The following TBCB variants were observed in gnomAD, a reference collection of about 807,000 sequenced individuals.
The protein encoded by TBCB is tubulin-folding cofactor B.
TBCB carries 18 observed loss-of-function variants against 29.2 expected under a neutral mutation model. The observed-to-expected ratio is 0.62, with a 90% CI of 0.43 to 0.91. The LOEUF is 0.91. Ranked by LOEUF, TBCB falls within the 40% of genes least tolerant of loss-of-function variation. TBCB has a pLI of 0.00. For missense variants in TBCB, 336 were observed against 337.6 expected (o/e 1.00, Z 0.04); for synonymous variants, 172 against 137.8 (o/e 1.25, Z -1.74).
chr19:36,115,451 A>T, upstream of TBCB: 1 of 804,598 alleles, frequency 1.2e-6, no homozygotes, highest in African/African-American at 1.7e-5. Flanking sequence ...TTGGTCAGGC[A>T]CGGAGCAGGA....
intron 2 of TBCB, among the ~76,000 whole-genome samples, chr19:36,119,958 G>A (rs1974016145): frequency 1.3e-5 from 2 of 150,504 alleles, no homozygotes; most frequent in South Asian, 2.1e-4. Context: ...CCTCTGGCTC[G>A]CTCCACCCCA....
chr19:36,114,973 G>A, upstream of TBCB: 3 of 1,072,082 alleles, frequency 2.8e-6, no homozygotes, highest in South Asian at 1.4e-5. The surrounding 1 kb of genome is among the most constrained non-coding windows in gnomAD (Gnocchi z 4.5). Context: ...CTGCGCACAC[G>A]TGCTGGCTCC....
At chr19:36,115,448 G>C (rs1164863437), upstream of TBCB, 2 of 786,950 alleles carry the variant, frequency 2.5e-6, no homozygotes, top group East Asian at 5.5e-5. Context: ...GGATTGGTCA[G>C]GCACGGAGCA....
At chr19:36,123,449 G>A (rs945707820) in intron 4 of TBCB, among the ~76,000 whole-genome samples, 1 of 151,842 alleles carries the variant, frequency 6.6e-6, no homozygotes, top group Non-Finnish European at 1.5e-5. Flanking sequence ...TTTTTTTGTA[G>A]GATGGGATTT....
At chr19:36,120,056 T>A (rs917616503) in intron 2 of TBCB, among the ~76,000 whole-genome samples, 5 of 152,136 alleles carry the variant, frequency 3.3e-5, no homozygotes, top group Non-Finnish European at 7.4e-5. Flanking sequence ...CAGCCTTGGC[T>A]GAAACATCCC....
At chr19:36,121,269 G>A (rs1974045039) in intron 3 of TBCB, among the ~76,000 whole-genome samples, 1 of 152,004 alleles carries the variant, frequency 6.6e-6, no homozygotes, top group African/African-American at 2.4e-5. Context: ...AGGCAGATGT[G>A]CGCTGAAGGG....
Position 36,120,761 on chromosome 19 carries a change from G to A in TBCB, c.310G>A (p.Val104Met). ...RLGEYEDVSR[V>M]EKYTISQEAY... ...TGGTGAGTATGAGGACGTGTCCCGGGTGGAGAAGTACACGATCTCACAAGA... is the reference window on the plus strand; with the variant it reads ...TGGTGAGTATGAGGACGTGTCCCGGATGGAGAAGTACACGATCTCACAAGA... Residue 104 changes from valine to methionine, a missense_variant, in exon 3 of 6, where the codon GTG becomes ATG. Physicochemically the swap from Val to Met is conservative, Grantham distance 21. Transcript: ENST00000221855. 6.2e-7 allele frequency: 1 copy of A among 1,613,976 alleles called. No homozygotes were observed. The highest frequency in any genetic ancestry group is 1.1e-5 in the South Asian group (1 of 91,080).
rs559221345 is a variant in TBCB, at chr19:36,123,403, G to C, written c.547+1685G>C. Among the ~76,000 whole-genome samples, 53 of 152,132 alleles carry C rather than the reference G, an allele frequency of 3.5e-4. No individual in the cohort carries two copies. The East Asian group carries it at 0.01, about 29-fold the overall frequency. Reference sequence around the variant, plus strand: ...GGCCTCCTGAGTAGCTGGGAATACAGGTACTCATCACCACCCCCGGCTAAA... The same window carrying C: ...GGCCTCCTGAGTAGCTGGGAATACACGTACTCATCACCACCCCCGGCTAAA... On this transcript the variant is annotated intron_variant, in intron 4 of 5. Transcript: ENST00000221855.
At chr19:36,124,465 C>T (rs1398105445) in intron 4 of TBCB, among the ~76,000 whole-genome samples, 2 of 152,154 alleles carry the variant, frequency 1.3e-5, no homozygotes. Context: ...AAGTGATCCA[C>T]CTGAGCTGGT....
chr19:36,121,572 A>T lies in TBCB; in HGVS notation c.401A>T (p.Asn134Ile). 1 of 1,559,700 alleles carries T rather than the reference A, an allele frequency of 6.4e-7. No individual in the cohort carries two copies. The highest frequency in any genetic ancestry group is 8.7e-7 in the Non-Finnish European group (1 of 1,153,480). ...AAGCGCAGCAAGCTCGGCCGGTACAACGAGGAGGAGCGGGCTCAGCAGGAG... is the reference window on the plus strand; with the variant it reads ...AAGCGCAGCAAGCTCGGCCGGTACATCGAGGAGGAGCGGGCTCAGCAGGAG... ...FLKRSKLGRYNEEERAQQEAE... is the reference protein window; with the variant it reads ...FLKRSKLGRYIEEERAQQEAE... Residue 134 changes from asparagine to isoleucine, a missense_variant, in exon 4 of 6, where the codon AAC (asparagine) becomes ATC (isoleucine). Asn to Ile is a moderately radical substitution (Grantham distance 149). Coordinates refer to ENST00000221855, the MANE Select transcript of TBCB (RefSeq NM_001281.3).
Position 36,115,569 on chromosome 19 carries a change from G to T in TBCB, c.9G>T (p.Val3=), listed in dbSNP as rs1278925381. Residue 3 remains valine, a synonymous_variant, in exon 1 of 6, where the codon GTG becomes GTT. Transcript: ENST00000221855. ...CCGCAGGGCGCGGCAAGATGGAGGT[G>T]ACGGGGGTGTCGGCACCCACGGTGA... is the stretch of plus-strand genomic sequence containing the variant. ME[V]TGVSAPTVTV... 6.2e-7 allele frequency: 1 copy of T among 1,607,626 alleles called. No individual in the cohort carries two copies.
At chr19:36,116,265 C>T (rs1174896954) in intron 2 of TBCB, 81 bp downstream of exon 2, 1 of 1,557,470 alleles carries the variant, frequency 6.4e-7, no homozygotes, top group East Asian at 2.3e-5. Context: ...GCTTTGCCCT[C>T]AGTCATACCC....
At chr19:36,123,968 G>A (rs1321610590) in intron 4 of TBCB, among the ~76,000 whole-genome samples, 2 of 152,178 alleles carry the variant, frequency 1.3e-5, no homozygotes, top group Non-Finnish European at 2.9e-5. Flanking sequence ...CACTGTGCTT[G>A]ACTTTTTTGA....
At chr19:36,115,158 G>C (rs533334515), upstream of TBCB, 351 of 568,088 alleles carry the variant, frequency 6.2e-4, 8 homozygotes, top group South Asian at 7.6e-3. Flanking sequence ...GCAAAACACT[G>C]AGCATCCAGG....
At chr19:36,120,106 C>T (rs1321060655) in intron 2 of TBCB, among the ~76,000 whole-genome samples, 1 of 152,126 alleles carries the variant, frequency 6.6e-6, no homozygotes, top group Non-Finnish European at 1.5e-5. Context: ...CCTTAAGCCT[C>T]TTCCCTGTCA....
upstream of TBCB, chr19:36,115,047 T>C (rs1245278184): frequency 1.8e-5 from 11 of 614,236 alleles, no homozygotes; most frequent in African/African-American, 1.8e-4. Context: ...TCTTTTGATA[T>C]CTTAGAGTAA....
intron 4 of TBCB, among the ~76,000 whole-genome samples, chr19:36,124,339 G>C (rs1974102907): frequency 6.6e-6 from 1 of 152,018 alleles, no homozygotes; most frequent in Non-Finnish European, 1.5e-5. Flanking sequence ...TCATGCCTCA[G>C]CCTCCCGAGT....
At chr19:36,120,134 ATCC>A (rs1974019339) in intron 2 of TBCB, among the ~76,000 whole-genome samples, 1 of 151,956 alleles carries the variant, frequency 6.6e-6, no homozygotes, top group Non-Finnish European at 1.5e-5. Context: ...CTCCATAGCC[ATCC>A]TCCAGTGTTT....
chr19:36,115,826 G>T, intron 1 of TBCB, 152 bp downstream of exon 1: 3 of 1,083,168 alleles, frequency 2.8e-6, no homozygotes, highest in Non-Finnish European at 4.0e-6. Context: ...GGCGGGGCGG[G>T]TCCGGAGAGA....
Sources: allele counts gnomAD v4.1 joint callset (sites outside exome capture counted in the v4.1 genomes callset), GRCh38; gene constraint gnomAD v4.1.1; non-coding constraint Gnocchi (gnomAD v3.1); transcripts MANE v1.5; gene names NCBI Gene and HGNC (gene_info 2026-07-23, HGNC 2026-07-21).